PRKCA: variants seen among roughly 807,000 people sequenced by gnomAD.
The protein encoded by PRKCA is protein kinase C alpha.
Under a neutral mutation model 87.0 loss-of-function variants are expected in PRKCA, and 27 were observed. That is an observed-to-expected ratio of 0.31 (90% CI 0.23 to 0.43). The LOEUF (loss-of-function observed/expected upper bound fraction) is 0.43. PRKCA is among the 20% of genes least tolerant of loss of function. The pLI is 1.00. For missense variants in PRKCA, 518 were observed against 852.3 expected (o/e 0.61, Z 4.88); for synonymous variants, 329 against 311.1 (o/e 1.06, Z -0.61).
At chr17:66,645,647 C>T (rs551643791) in intron 5 of PRKCA, 136 bp downstream of exon 5, 131 of 1,308,304 alleles carry the variant, frequency 1.0e-4, no homozygotes, top group Non-Finnish European at 1.3e-4. Flanking sequence ...GGAGCCATCA[C>T]TGTCTCAGAG....
chr17:66,700,233 A>G (rs1000163479), intron 8 of PRKCA, among the ~76,000 whole-genome samples: 13 of 152,248 alleles, frequency 8.5e-5, no homozygotes, highest in Non-Finnish European at 1.3e-4. Flanking sequence ...ATGCAGAAAA[A>G]GGATTTGACA....
chr17:66,381,001 A>G (rs1909748572), intron 2 of PRKCA, among the ~76,000 whole-genome samples: 1 of 149,548 alleles, frequency 6.7e-6, no homozygotes, highest in Admixed American at 6.8e-5. Flanking sequence ...GTACAGTGGC[A>G]CCATCATAGC....
At chr17:66,528,615 CCCCGGAA>C (rs1687922273) in intron 3 of PRKCA, among the ~76,000 whole-genome samples, 2 of 152,098 alleles carry the variant, frequency 1.3e-5, no homozygotes, top group African/African-American at 4.8e-5. Context: ...AAGCAGGGGC[CCCCGGAA>C]CTCTGCGAGC....
chr17:66,776,825 A>G (rs1975062519), intron 14 of PRKCA, among the ~76,000 whole-genome samples: 1 of 152,168 alleles, frequency 6.6e-6, no homozygotes, highest in Non-Finnish European at 1.5e-5. Context: ...CTGCGTGCGC[A>G]GTGGCCTGCT....
At chr17:66,499,747 C>A (rs532452416) in intron 3 of PRKCA, among the ~76,000 whole-genome samples, 19 of 152,164 alleles carry the variant, frequency 1.2e-4, no homozygotes, top group African/African-American at 4.3e-4. Context: ...TTAAAATATC[C>A]TTGAAAGTAA....
At chr17:66,364,520 AGAG>A (rs1006362349) in intron 2 of PRKCA, among the ~76,000 whole-genome samples, 5 of 152,182 alleles carry the variant, frequency 3.3e-5, no homozygotes, top group Admixed American at 1.3e-4. Flanking sequence ...TGTATGGAGA[AGAG>A]GAGAGAGGGA....
At chr17:66,744,880 G>T (rs1237837935) in intron 13 of PRKCA, among the ~76,000 whole-genome samples, 2 of 152,168 alleles carry the variant, frequency 1.3e-5, no homozygotes, top group Non-Finnish European at 2.9e-5. Flanking sequence ...GCCACCACCT[G>T]CATTCCTTGG....
chr17:66,579,440 G>T (rs1274119208), intron 3 of PRKCA, among the ~76,000 whole-genome samples: 1 of 152,198 alleles, frequency 6.6e-6, no homozygotes, highest in Non-Finnish European at 1.5e-5. Context: ...AGGGGTCAGA[G>T]GTCACGCTTA....
rs60875203 is a variant in PRKCA, at chr17:66,451,343, A to AATTTATTTATTT, written c.206-44826_206-44815dup. 1.8e-3 allele frequency among the ~76,000 whole-genome samples: 256 copies of AATTTATTTATTT among 144,956 alleles called. 1 individual carries two copies. Among genetic ancestry groups the AATTTATTTATTT allele is most frequent in the Middle Eastern group, 7.0e-3 (2 of 286 alleles). On this transcript the variant is annotated intron_variant, in intron 2 of 16. Transcript: ENST00000413366. ...CAAAACTTTTAGAATACGGAGTTAG[A>AATTTATTTATTT]ATTTATTTATTTATTTATTTATTTA...
intron 3 of PRKCA, among the ~76,000 whole-genome samples, chr17:66,518,944 A>G (rs1012115544): frequency 6.6e-6 from 1 of 152,230 alleles, no homozygotes; most frequent in Non-Finnish European, 1.5e-5. Flanking sequence ...GAGCTTTAAT[A>G]TCAAGTGTTG....
chr17:66,309,560 G>A (rs1296711239), intron 2 of PRKCA, among the ~76,000 whole-genome samples: 1 of 152,140 alleles, frequency 6.6e-6, no homozygotes, highest in African/African-American at 2.4e-5. Flanking sequence ...GAAACCAAGG[G>A]CCATTCTTCT....
At chr17:66,480,909 G>A (rs1440397450) in intron 2 of PRKCA, among the ~76,000 whole-genome samples, 1 of 151,946 alleles carries the variant, frequency 6.6e-6, no homozygotes, top group Admixed American at 6.6e-5. Context: ...TGTGAATTGC[G>A]TTCCTTCCCC....
At chr17:66,436,186 T>TG in intron 2 of PRKCA, among the ~76,000 whole-genome samples, 1 of 152,264 alleles carries the variant, frequency 6.6e-6, no homozygotes, top group Admixed American at 6.5e-5. Flanking sequence ...ATCAAGAGGT[T>TG]GGATGGCATT....
At chr17:66,587,737 ACG>A (rs1234260383) in intron 3 of PRKCA, among the ~76,000 whole-genome samples, 9 of 111,364 alleles carry the variant, frequency 8.1e-5, no homozygotes, top group Non-Finnish European at 1.2e-4. Flanking sequence ...ATACATATAT[ACG>A]TATATGTGTG....
intron 2 of PRKCA, among the ~76,000 whole-genome samples, chr17:66,330,187 C>T (rs8074759): frequency 0.1 from 15,482 of 151,514 alleles, 1,145 homozygotes; most frequent in East Asian, 0.24. Context: ...CTCACTGCAA[C>T]CTCCACTTCC....
intron 5 of PRKCA, among the ~76,000 whole-genome samples, chr17:66,652,951 C>T (rs1055190008): frequency 2.0e-5 from 3 of 152,234 alleles, no homozygotes; most frequent in African/African-American, 4.8e-5. Context: ...GCTGTGTTTC[C>T]TTGTGGTTCT....
At chr17:66,799,881 G>A (rs967280034) in intron 16 of PRKCA, among the ~76,000 whole-genome samples, 32 of 151,980 alleles carry the variant, frequency 2.1e-4, no homozygotes, top group African/African-American at 7.3e-4. Flanking sequence ...TCACCAGGCC[G>A]AATCTGGAGT....
intron 2 of PRKCA, among the ~76,000 whole-genome samples, chr17:66,353,961 G>A (rs1907901165): frequency 6.6e-6 from 1 of 152,100 alleles, no homozygotes; most frequent in Non-Finnish European, 1.5e-5. Context: ...GAATGTCAGA[G>A]ACAGGTTTTA....
intron 2 of PRKCA, among the ~76,000 whole-genome samples, chr17:66,320,732 T>A (rs1905607180): frequency 1.3e-5 from 2 of 152,236 alleles, no homozygotes; most frequent in Admixed American, 1.3e-4. Flanking sequence ...AGTTCTGGTG[T>A]TACTTAGTCT....
Sources: allele counts gnomAD v4.1 joint callset (sites outside exome capture counted in the v4.1 genomes callset), GRCh38; gene constraint gnomAD v4.1.1; transcripts MANE v1.5; gene names NCBI Gene and HGNC (gene_info 2026-07-23, HGNC 2026-07-21).